Variants in CPA6 observed in about 807,000 individuals in gnomAD.
CPA6 encodes the protein carboxypeptidase A6.
Under a neutral mutation model 63.3 loss-of-function variants are expected in CPA6, and 58 were observed. The ratio of observed to expected loss-of-function variants is 0.92; its 90% confidence interval spans 0.74 to 1.14. CPA6 has a LOEUF of 1.14. Among genes scored for constraint, CPA6 ranks in the 50% most tolerant of loss-of-function variants. The pLI is 0.00. For synonymous variants in CPA6, 185 were observed against 179.0 expected (o/e 1.03, Z -0.27); for missense variants, 565 against 526.6 (o/e 1.07, Z -0.71).
chr8:67,457,378 G>C (rs1303854499), intron 8 of CPA6, among the ~76,000 whole-genome samples: 1 of 152,120 alleles, frequency 6.6e-6, no homozygotes, highest in Non-Finnish European at 1.5e-5. Flanking sequence ...TGTCTATTAA[G>C]ATTCTTTGGT....
intron 6 of CPA6, among the ~76,000 whole-genome samples, chr8:67,492,555 T>A (rs1412382483): frequency 6.6e-6 from 1 of 151,814 alleles, no homozygotes; most frequent in Non-Finnish European, 1.5e-5. Context: ...AAATATTAGT[T>A]TTACTACTTA....
chr8:67,495,964 G>T (rs758119710), intron 6 of CPA6, among the ~76,000 whole-genome samples: 1 of 152,112 alleles, frequency 6.6e-6, no homozygotes, highest in African/African-American at 2.4e-5. Flanking sequence ...TAGACTGTAC[G>T]TTGCTGCCTC....
chr8:67,691,904 A>C (rs1248411518), intron 1 of CPA6, among the ~76,000 whole-genome samples: 5 of 152,242 alleles, frequency 3.3e-5, no homozygotes, highest in African/African-American at 1.2e-4. Context: ...ACTAAACTCC[A>C]AACATTTAAT....
chr8:67,732,705 G>A (rs1817729556), intron 1 of CPA6: 1 of 152,400 alleles, frequency 6.6e-6, no homozygotes, highest in Non-Finnish European at 1.5e-5. Context: ...GGGCAGATGT[G>A]GAGGAACATG....
intron 1 of CPA6, among the ~76,000 whole-genome samples, chr8:67,713,099 G>GTGTGTGTGTGTACATATA (rs1328463977): frequency 1.8e-5 from 1 of 55,026 alleles, no homozygotes; most frequent in African/African-American, 7.4e-5. Context: ...GTGTGTGTGT[G>GTGTGTGTGTGTACATATA]TATATATATA....
intron 2 of CPA6, among the ~76,000 whole-genome samples, chr8:67,595,572 C>T (rs954104716): frequency 1.1e-4 from 17 of 152,120 alleles, no homozygotes; most frequent in East Asian, 7.7e-4. Context: ...TTTACCTAAG[C>T]GAGCCTGGGC....
At chr8:67,608,927 C>T (rs1814735611) in intron 2 of CPA6, among the ~76,000 whole-genome samples, 1 of 152,178 alleles carries the variant, frequency 6.6e-6, no homozygotes, top group South Asian at 2.1e-4. Context: ...AATACAGCAC[C>T]CATGTGGAGG....
At chr8:67,632,255 C>G (rs1306480635) in intron 1 of CPA6, among the ~76,000 whole-genome samples, 1 of 151,956 alleles carries the variant, frequency 6.6e-6, no homozygotes, top group Non-Finnish European at 1.5e-5. Flanking sequence ...ACTGTAACCT[C>G]GAACTTGTGA....
intron 1 of CPA6, among the ~76,000 whole-genome samples, chr8:67,672,636 C>T (rs1371427691): frequency 6.6e-6 from 1 of 152,184 alleles, no homozygotes. Context: ...CCAATATGAA[C>T]ACACAGGGAC....
At chr8:67,575,482 C>G (rs1401304157) in intron 2 of CPA6, among the ~76,000 whole-genome samples, 8 of 152,160 alleles carry the variant, frequency 5.3e-5, no homozygotes, top group Non-Finnish European at 7.3e-5. Flanking sequence ...CAGAATCAAC[C>G]TAAGTGTCCA....
At chr8:67,665,232 A>T (rs1467641422) in intron 1 of CPA6, among the ~76,000 whole-genome samples, 1 of 152,258 alleles carries the variant, frequency 6.6e-6, no homozygotes, top group Non-Finnish European at 1.5e-5. Flanking sequence ...AAAGTCTGCT[A>T]AACTTTTGTT....
At chr8:67,631,100 C>T (rs537630663) in intron 1 of CPA6, among the ~76,000 whole-genome samples, 90 of 152,334 alleles carry the variant, frequency 5.9e-4, no homozygotes, top group African/African-American at 2.0e-3. Context: ...CTGAGGAGTG[C>T]GGCTGCATGG....
chr8:67,655,852 C>T (rs1385241), intron 1 of CPA6, among the ~76,000 whole-genome samples: 3,824 of 152,220 alleles, frequency 0.025, 149 homozygotes, highest in African/African-American at 0.085. Context: ...AGACAGAAGA[C>T]AGTATCTGAA....
At chr8:67,586,033 C>T (rs946909692) in intron 2 of CPA6, among the ~76,000 whole-genome samples, 6 of 152,094 alleles carry the variant, frequency 3.9e-5, no homozygotes, top group Middle Eastern at 3.4e-3. Context: ...TAGGGGTGAC[C>T]GCACCTGTAA....
intron 1 of CPA6, among the ~76,000 whole-genome samples, chr8:67,694,877 G>C (rs1334644844): frequency 6.6e-6 from 1 of 152,138 alleles, no homozygotes; most frequent in Non-Finnish European, 1.5e-5. Context: ...GAAATGTCCA[G>C]ATGTCCAGAC....
intron 1 of CPA6, among the ~76,000 whole-genome samples, chr8:67,680,501 A>AAAAT (rs2128995822): frequency 6.6e-6 from 1 of 152,140 alleles, no homozygotes; most frequent in African/African-American, 2.4e-5. Context: ...AAAAAAAAAA[A>AAAAT]AAAAGCTTTT....
intron 2 of CPA6, among the ~76,000 whole-genome samples, chr8:67,550,920 G>A (rs1812924124): frequency 6.6e-6 from 1 of 152,000 alleles, no homozygotes; most frequent in Admixed American, 6.6e-5. Flanking sequence ...GTTTCTTATA[G>A]AGCCTGGATA....
At position 67,624,624 on chromosome 8, in the gene CPA6, C is replaced by G. The variant is rs1207802810; in HGVS notation, c.117-373G>C. Among the ~76,000 whole-genome samples, 6 of 152,072 alleles carry G rather than the reference C, an allele frequency of 3.9e-5. 1 individual carries two copies. The highest frequency in any genetic ancestry group is 1.4e-4 in the African/African-American group (6 of 41,408). ...AAAGAAAAGTCATTCTTTTTTTAAA[C>G]ATAATGCTGAAAAGGAATGTGACTT... On this transcript the variant is annotated intron_variant, in intron 1 of 10. Transcript: ENST00000297770.
chr8:67,719,719 C>T (rs764454938), intron 1 of CPA6, among the ~76,000 whole-genome samples: 2 of 151,878 alleles, frequency 1.3e-5, no homozygotes, highest in African/African-American at 2.4e-5. Flanking sequence ...GAAATGAAGC[C>T]CTGGGAAGAA....
Sources: allele counts gnomAD v4.1 joint callset (sites outside exome capture counted in the v4.1 genomes callset), GRCh38; gene constraint gnomAD v4.1.1; transcripts MANE v1.5; gene names NCBI Gene and HGNC (gene_info 2026-07-23, HGNC 2026-07-21).